The following NWD2 variants were observed in gnomAD, a reference collection of about 807,000 sequenced individuals.
NWD2 encodes NACHT and WD repeat domain-containing protein 2.
NWD2 carries 37 observed loss-of-function variants against 132.7 expected under a neutral mutation model. That is an observed-to-expected ratio of 0.28 (90% CI 0.21 to 0.37). The LOEUF is 0.37. Ranked by LOEUF, NWD2 falls within the 10% of genes least tolerant of loss-of-function variation. NWD2 has a pLI of 1.00. For synonymous variants in NWD2, 705 were observed against 803.0 expected, an observed-to-expected ratio of 0.88 and a Z score of 2.06; for missense variants, 1,592 against 2,122.4, an observed-to-expected ratio of 0.75 and a Z score of 4.91.
chr4:37,378,138 T>C (rs754427671), intron 3 of NWD2, among the ~76,000 whole-genome samples: 5 of 152,240 alleles, frequency 3.3e-5, no homozygotes, highest in Non-Finnish European at 5.9e-5. Context: ...TGGTTCTCTA[T>C]GCCCTTCATC....
intron 2 of NWD2, among the ~76,000 whole-genome samples, chr4:37,330,830 G>A (rs565964404): frequency 1.4e-5 from 2 of 141,410 alleles, no homozygotes; most frequent in East Asian, 2.1e-4. Flanking sequence ...GAGTATTTCT[G>A]TACAATACCA....
chr4:37,421,952 C>T (rs1167354116), intron 3 of NWD2, among the ~76,000 whole-genome samples: 1 of 152,190 alleles, frequency 6.6e-6, no homozygotes, highest in Admixed American at 6.5e-5. Flanking sequence ...CATCTTCTCG[C>T]TGTGTCCTCA....
chr4:37,392,778 G>A lies in NWD2; in HGVS notation c.357+36296G>A, dbSNP rs77272196. 9.2e-3 allele frequency among the ~76,000 whole-genome samples: 1,408 copies of A among 152,276 alleles called. 26 individuals are homozygous for A. The highest frequency in any genetic ancestry group is 0.032 in the African/African-American group (1,328 of 41,558). On this transcript the variant is annotated intron_variant, in intron 3 of 6. Transcript: ENST00000309447. ...CAGGGCACTCAATAAATGCCTCTGA[G>A]TGAAGACTGACTCAGCAGTTGGCAA...
At chr4:37,280,291 T>C (rs1054330110) in intron 1 of NWD2, among the ~76,000 whole-genome samples, 5 of 152,266 alleles carry the variant, frequency 3.3e-5, no homozygotes, top group South Asian at 4.1e-4. Context: ...ACTAATAAGA[T>C]CATTATTTAC....
intron 1 of NWD2, among the ~76,000 whole-genome samples, chr4:37,253,880 A>G (rs1328866037): frequency 6.6e-6 from 1 of 152,236 alleles, no homozygotes; most frequent in Non-Finnish European, 1.5e-5. Flanking sequence ...AACAGGAAGT[A>G]ATTAGGTTTG....
At chr4:37,384,300 C>T (rs2109309495) in intron 3 of NWD2, among the ~76,000 whole-genome samples, 1 of 152,250 alleles carries the variant, frequency 6.6e-6, no homozygotes, top group African/African-American at 2.4e-5. Flanking sequence ...CTCCTGATAC[C>T]ATTGTCAAAC....
intron 1 of NWD2, among the ~76,000 whole-genome samples, chr4:37,288,500 C>T (rs1049301477): frequency 1.3e-5 from 2 of 152,180 alleles, no homozygotes; most frequent in African/African-American, 4.8e-5. Flanking sequence ...AAATTTATTA[C>T]AACAGCCAAG....
At chr4:37,314,224 A>G (rs775594057) in intron 1 of NWD2, among the ~76,000 whole-genome samples, 2 of 152,188 alleles carry the variant, frequency 1.3e-5, no homozygotes, top group African/African-American at 2.4e-5. Context: ...ATCTATATTC[A>G]TGATGGATAT....
chr4:37,274,997 G>A (rs189943668), intron 1 of NWD2, among the ~76,000 whole-genome samples: 21 of 152,240 alleles, frequency 1.4e-4, no homozygotes, highest in African/African-American at 4.6e-4. Flanking sequence ...AAAACTGGAA[G>A]CATTCCCTTT....
rs545314893 is a variant in NWD2 at position 37,432,054 on chromosome 4, G to A, written c.561+1279G>A. On this transcript the variant is annotated intron_variant, in intron 4 of 6. Transcript: ENST00000309447. ...CCAGTTTTCTATAATGTGTCTATTT[G>A]TTCTGATTGGTATATGTCATGCTTA... 5.3e-5 allele frequency among the ~76,000 whole-genome samples: 8 copies of A among 152,002 alleles called. No individual in the cohort carries two copies. In the East Asian group the frequency reaches 1.5e-3, roughly 29 times the overall value.
intron 3 of NWD2, among the ~76,000 whole-genome samples, chr4:37,394,812 T>TGTTTTG (rs1560411793): frequency 1.3e-4 from 16 of 119,858 alleles, no homozygotes; most frequent in Non-Finnish European, 2.8e-4. Flanking sequence ...TTTTTTTTTT[T>TGTTTTG]TTTTTTTTTT....
intron 3 of NWD2, among the ~76,000 whole-genome samples, chr4:37,423,538 C>T (rs777083390): frequency 9.9e-5 from 15 of 152,116 alleles, no homozygotes; most frequent in Admixed American, 3.3e-4. Flanking sequence ...GAATAAGTCC[C>T]GGTCCAAGAG....
At chr4:37,359,211 A>G (rs1719928892) in intron 3 of NWD2, among the ~76,000 whole-genome samples, 1 of 152,180 alleles carries the variant, frequency 6.6e-6, no homozygotes, top group Non-Finnish European at 1.5e-5. Flanking sequence ...AGGTTAGCTG[A>G]CAGAACAGCA....
chr4:37,372,101 T>A (rs1306121105), intron 3 of NWD2, among the ~76,000 whole-genome samples: 3 of 152,348 alleles, frequency 2.0e-5, no homozygotes, highest in African/African-American at 7.2e-5. Context: ...TTTGAATAAT[T>A]ATTGTACATT....
intron 2 of NWD2, among the ~76,000 whole-genome samples, chr4:37,349,614 A>G (rs983735036): frequency 6.6e-6 from 1 of 152,082 alleles, no homozygotes; most frequent in Non-Finnish European, 1.5e-5. Context: ...GATTGCAAAA[A>G]CTTTCTCCTA....
At chr4:37,352,783 C>T (rs1719796374) in intron 2 of NWD2, among the ~76,000 whole-genome samples, 1 of 152,194 alleles carries the variant, frequency 6.6e-6, no homozygotes, top group African/African-American at 2.4e-5. Context: ...ATACAGCACA[C>T]TGATGGGTCT....
intron 5 of NWD2, 86 bp downstream of exon 5, chr4:37,434,106 A>T (rs746913165): frequency 3.8e-6 from 3 of 786,164 alleles, no homozygotes; most frequent in East Asian, 3.0e-5. Context: ...TGCAAATTTA[A>T]TCTCATTTAC....
intron 3 of NWD2, among the ~76,000 whole-genome samples, chr4:37,429,447 T>C (rs1712108214): frequency 6.6e-6 from 1 of 152,150 alleles, no homozygotes; most frequent in Non-Finnish European, 1.5e-5. Flanking sequence ...CCCAAGTACC[T>C]GAGATTACAG....
chr4:37,278,451 G>A (rs974929031), intron 1 of NWD2, among the ~76,000 whole-genome samples: 3 of 152,120 alleles, frequency 2.0e-5, no homozygotes, highest in Admixed American at 6.6e-5. Flanking sequence ...CCAGCCTCGT[G>A]GCTTACCCTA....
Sources: allele counts gnomAD v4.1 joint callset (sites outside exome capture counted in the v4.1 genomes callset), GRCh38; gene constraint gnomAD v4.1.1; transcripts MANE v1.5; gene names NCBI Gene and HGNC (gene_info 2026-07-23, HGNC 2026-07-21).